The following EDIL3 variants were observed in gnomAD, a reference collection of about 807,000 sequenced individuals.
EDIL3 encodes the protein EGF-like repeat and discoidin I-like domain-containing protein 3.
Under a neutral mutation model 67.4 loss-of-function variants are expected in EDIL3, and 37 were observed. That is an observed-to-expected ratio of 0.55 (90% confidence interval 0.42 to 0.72). The LOEUF is 0.72. Ranked by LOEUF, EDIL3 falls within the 30% of genes least tolerant of loss-of-function variation. The pLI is 0.00. For missense variants in EDIL3, 527 were observed against 586.3 expected (o/e 0.90, Z 1.04); for synonymous variants, 195 against 196.3 (o/e 0.99, Z 0.05).
intron 9 of EDIL3, among the ~76,000 whole-genome samples, chr5:84,004,953 GA>G (rs941674504): frequency 9.9e-5 from 15 of 151,368 alleles, no homozygotes; most frequent in Admixed American, 4.0e-4. Context: ...GACTAATAAG[GA>G]AAAAAAATGA....
At chr5:83,959,489 T>G (rs1744570915) in intron 10 of EDIL3, among the ~76,000 whole-genome samples, 1 of 150,990 alleles carries the variant, frequency 6.6e-6, no homozygotes, top group Admixed American at 6.6e-5. Flanking sequence ...CTTAGAAGCT[T>G]TTGTTTATAC....
In EDIL3 at chr5:83,987,851, T is replaced by C. The variant is rs182200008; in HGVS notation, c.1138-24491A>G. Among the ~76,000 whole-genome samples the C allele has an allele frequency of 7.0e-3, 741 of 106,134 alleles. 1 individual carries two copies. The highest frequency in any genetic ancestry group is 9.3e-3 in the Middle Eastern group (2 of 216). The allele number at this position is 106,134 out of a possible 152,430, so 69.6% of individuals were successfully genotyped here. A position where few individuals can be genotyped will look rare whatever the true frequency, so the allele number is the denominator to read the frequency against. The stretch of plus-strand genomic sequence containing the variant: ...GGTTAGAAAATCATTTTGCAGCTGA[T>C]AGGGTGTGTGTGTGTATGTATATAT... On this transcript the variant is annotated intron_variant, in intron 9 of 10. Transcript: ENST00000296591.
intron 1 of EDIL3, among the ~76,000 whole-genome samples, chr5:84,377,667 T>C (rs952376729): frequency 5.3e-5 from 8 of 152,208 alleles, no homozygotes; most frequent in African/African-American, 9.6e-5. Context: ...TTAGAGATTA[T>C]CATCTTCAAA....
Position 83,941,614 on chromosome 5 carries a change from T to G in EDIL3, c.*1805A>C, listed in dbSNP as rs1217691087. 2 of 151,966 alleles carry G rather than the reference T, an allele frequency of 1.3e-5. No individual in the cohort carries two copies. Among genetic ancestry groups the G allele is most frequent in the African/African-American group, 4.8e-5 (2 of 41,420 alleles). 9.4% of individuals were successfully genotyped at this position (151,966 alleles called of 1,614,324 possible). ...TTTAAAATTTAGCCAGTTACAAATA[T>G]TTTAAAATCCTAACTTTAAAGTTAT... On this transcript the variant is annotated 3_prime_UTR_variant, in exon 11 of 11. Transcript: ENST00000296591.
chr5:84,345,600 C>T (rs1337037378), intron 1 of EDIL3, among the ~76,000 whole-genome samples: 5 of 152,124 alleles, frequency 3.3e-5, no homozygotes, highest in Admixed American at 6.6e-5. Flanking sequence ...CAATTAATTG[C>T]TCCCTAGTTG....
intron 4 of EDIL3, among the ~76,000 whole-genome samples, chr5:84,154,460 T>C (rs1317421232): frequency 6.6e-6 from 1 of 152,128 alleles, no homozygotes; most frequent in Non-Finnish European, 1.5e-5. Context: ...TGCCACTTTA[T>C]GGAGGCTGTT....
chr5:84,126,520 G>T (rs879584541), intron 5 of EDIL3, among the ~76,000 whole-genome samples: 5 of 151,976 alleles, frequency 3.3e-5, no homozygotes, highest in Non-Finnish European at 7.4e-5. Context: ...AGTAGTAGCA[G>T]ATCTACTATA....
At chr5:84,355,778 A>G (rs1003363327) in intron 1 of EDIL3, among the ~76,000 whole-genome samples, 1 of 152,128 alleles carries the variant, frequency 6.6e-6, no homozygotes, top group African/African-American at 2.4e-5. Flanking sequence ...GACCCACTTG[A>G]GGAAGCAGTC....
chr5:84,330,736 T>C (rs973065776), intron 1 of EDIL3, among the ~76,000 whole-genome samples: 3 of 152,184 alleles, frequency 2.0e-5, no homozygotes, highest in Non-Finnish European at 2.9e-5. Flanking sequence ...CAAGGATGCC[T>C]GCAGTCAAAC....
chr5:84,336,788 TTAAA>T (rs1300095613), intron 1 of EDIL3, among the ~76,000 whole-genome samples: 2 of 152,254 alleles, frequency 1.3e-5, no homozygotes, highest in East Asian at 1.9e-4. Context: ...TCTTAGATAA[TTAAA>T]TAGAGTTTCA....
intron 9 of EDIL3, among the ~76,000 whole-genome samples, chr5:84,047,097 T>G (rs1232647272): frequency 6.6e-6 from 1 of 152,158 alleles, no homozygotes; most frequent in African/African-American, 2.4e-5. Context: ...AAGTATAAAG[T>G]CATTTAAAAT....
intron 1 of EDIL3, among the ~76,000 whole-genome samples, chr5:84,313,509 C>G (rs1646537061): frequency 6.6e-6 from 1 of 152,176 alleles, no homozygotes; most frequent in Non-Finnish European, 1.5e-5. Flanking sequence ...CTACCATGTA[C>G]TAGTGGTATT....
At chr5:84,299,677 T>C (rs761086851) in intron 1 of EDIL3, among the ~76,000 whole-genome samples, 5 of 152,236 alleles carry the variant, frequency 3.3e-5, no homozygotes, top group Non-Finnish European at 5.9e-5. Flanking sequence ...AGTTTTCATA[T>C]GTACAAAGTT....
chr5:84,010,630 T>A (rs1745501124), intron 9 of EDIL3, among the ~76,000 whole-genome samples: 1 of 152,214 alleles, frequency 6.6e-6, no homozygotes, highest in African/African-American at 2.4e-5. Context: ...TACTGTTTTG[T>A]GCTTCCCATT....
intron 1 of EDIL3, among the ~76,000 whole-genome samples, chr5:84,325,199 T>C (rs1346629838): frequency 6.6e-6 from 1 of 151,894 alleles, no homozygotes; most frequent in Non-Finnish European, 1.5e-5. Flanking sequence ...ATCCACAGAA[T>C]TGGAGTCTAT....
intron 3 of EDIL3, among the ~76,000 whole-genome samples, chr5:84,215,023 T>A (rs1296449473): frequency 6.6e-6 from 1 of 151,968 alleles, no homozygotes; most frequent in Non-Finnish European, 1.5e-5. Context: ...CCCGGCCCTA[T>A]GTGTGTTCTT....
chr5:84,172,611 A>AC (rs1406313972), intron 4 of EDIL3, among the ~76,000 whole-genome samples: 10 of 152,020 alleles, frequency 6.6e-5, no homozygotes, highest in Admixed American at 6.6e-4. Context: ...AACAACAACA[A>AC]AAAAATAAAA....
chr5:83,961,393 T>C (rs565077220), intron 10 of EDIL3, among the ~76,000 whole-genome samples: 1 of 151,220 alleles, frequency 6.6e-6, no homozygotes, highest in African/African-American at 2.4e-5. Context: ...AAGTTTCAGA[T>C]TGAGATAATG....
intron 4 of EDIL3, among the ~76,000 whole-genome samples, chr5:84,161,475 G>A (rs347348): frequency 0.36 from 55,314 of 151,580 alleles, 10,921 homozygotes; most frequent in East Asian, 0.74. Context: ...GAGCTTCACA[G>A]TCTATAATAT....
Sources: allele counts gnomAD v4.1 joint callset (sites outside exome capture counted in the v4.1 genomes callset), GRCh38; gene constraint gnomAD v4.1.1; transcripts MANE v1.5; gene names NCBI Gene and HGNC (gene_info 2026-07-23, HGNC 2026-07-21).